The following RHEB variants were observed in gnomAD, a reference collection of about 807,000 sequenced individuals.
The protein encoded by RHEB is GTP-binding protein Rheb.
Under a neutral mutation model 28.8 loss-of-function variants are expected in RHEB, and 2 were observed. That is an observed-to-expected ratio of 0.07 (90% CI 0.03 to 0.22). RHEB has a LOEUF of 0.22. RHEB is among the 10% of genes least tolerant of loss of function. The probability of loss-of-function intolerance (pLI) is 1.00; values close to 1 mark genes in which losing one functional copy is unlikely to be tolerated. For synonymous variants in RHEB, 69 were observed against 77.3 expected, an observed-to-expected ratio of 0.89 and a Z score of 0.56; for missense variants, 76 against 219.9, an observed-to-expected ratio of 0.35 and a Z score of 4.14.
At position 151,500,959 on chromosome 7, in the gene RHEB, G is replaced by C. The variant is rs904053125; in HGVS notation, c.53-9945C>G. Among the ~76,000 whole-genome samples the C allele has an allele frequency of 2.0e-5, 3 of 152,126 alleles. No individual in the cohort carries two copies. In the East Asian group the frequency reaches 5.8e-4, roughly 29 times the overall value. On this transcript the variant is annotated intron_variant, in intron 1 of 7. Transcript: ENST00000262187. ...TGATTCTGCCACTGCATACCAGCCT[G>C]GGTGACGGAACAAGACGCTGTCTCC...
rs888367871 is a variant in RHEB at position 151,507,116 on chromosome 7, G to T, written c.52+12344C>A. Among the ~76,000 whole-genome samples, 51 of 152,106 alleles carry T rather than the reference G, an allele frequency of 3.4e-4. 2 individuals are homozygous for T. The highest frequency in any genetic ancestry group is 7.4e-5 in the Non-Finnish European group (5 of 68,020). ...GAACAGACACCAGTAAAGCAGACTT[G>T]GTTTGTAAACGGCAGAAAAAAGACT... On this transcript the variant is annotated intron_variant, in intron 1 of 7. Coordinates refer to ENST00000262187, the MANE Select transcript of RHEB (RefSeq NM_005614.4).
intron 4 of RHEB, 112 bp downstream of exon 4, chr7:151,477,221 T>A (rs538538846): frequency 2.7e-6 from 2 of 737,726 alleles, no homozygotes; most frequent in Non-Finnish European, 4.6e-6. Context: ...CTAAAAAACA[T>A]GTAGCCTAAT....
At position 151,471,436 on chromosome 7, in the gene RHEB, G is replaced by T; in HGVS notation, c.338C>A (p.Pro113His). The change falls in exon 6 of 8, where the codon CCT becomes CAT. Residue 113 changes from proline to histidine, a missense_variant. Transcript: ENST00000262187. ...LLDMVGKVQI[P>H]IMLVGNKKDL... Reference sequence around the variant, plus strand: ...TTTCTTATTCCCAACCAACATAATAGGTATTCTATTTGTAAGAAAAAAAAG... The same window carrying T: ...TTTCTTATTCCCAACCAACATAATATGTATTCTATTTGTAAGAAAAAAAAG... 1 of 1,580,950 alleles carries T rather than the reference G, an allele frequency of 6.3e-7. No individual in the cohort carries two copies. Among genetic ancestry groups the T allele is most frequent in the Non-Finnish European group, 8.7e-7 (1 of 1,152,252 alleles).
At chr7:151,509,371 T>C (rs1370121328) in intron 1 of RHEB, among the ~76,000 whole-genome samples, 3 of 152,224 alleles carry the variant, frequency 2.0e-5, no homozygotes, top group Non-Finnish European at 4.4e-5. Flanking sequence ...GGAAAGTGTG[T>C]GGATCTGGCA....
intron 1 of RHEB, among the ~76,000 whole-genome samples, chr7:151,516,955 C>T (rs1803091991): frequency 1.3e-5 from 2 of 152,294 alleles, no homozygotes; most frequent in South Asian, 4.1e-4. Context: ...AGTGAGCATG[C>T]TGAGTAATTC....
rs77394317 is a variant in RHEB at position 151,492,696 on chromosome 7, C to A, written c.53-1682G>T. Among the ~76,000 whole-genome samples the A allele has an allele frequency of 4.1e-4, 62 of 151,986 alleles. 1 individual carries two copies. The highest frequency in any genetic ancestry group is 3.5e-3 in the South Asian group (17 of 4,820). On this transcript the variant is annotated intron_variant, in intron 1 of 7. Coordinates refer to ENST00000262187, the MANE Select transcript of RHEB (RefSeq NM_005614.4). ...TTGGTAGACCTATTTACTCCTTATC[C>A]GCAGCCCAATACAGTTCAAAATGTC... is the stretch of plus-strand genomic sequence containing the variant.
At chr7:151,511,723 CT>C (rs947777034) in intron 1 of RHEB, among the ~76,000 whole-genome samples, 26 of 151,774 alleles carry the variant, frequency 1.7e-4, no homozygotes, top group African/African-American at 6.1e-4. Flanking sequence ...TCTCGACTCA[CT>C]GCAACCTCCC....
intron 1 of RHEB, among the ~76,000 whole-genome samples, chr7:151,496,768 TTTTG>T (rs1007674932): frequency 6.6e-6 from 1 of 151,894 alleles, no homozygotes; most frequent in Non-Finnish European, 1.5e-5. Context: ...CCTCTATGAC[TTTTG>T]TTTTTTTGTT....
intron 1 of RHEB, chr7:151,502,486 A>G: frequency 1.1e-6 from 1 of 899,806 alleles, no homozygotes; most frequent in Non-Finnish European, 1.9e-6. Flanking sequence ...GAACAACTGT[A>G]ACAGAAGAAG....
chr7:151,504,116 A>C (rs1802824495), intron 1 of RHEB, among the ~76,000 whole-genome samples: 1 of 152,232 alleles, frequency 6.6e-6, no homozygotes, highest in South Asian at 2.1e-4. Flanking sequence ...AAACTGACTC[A>C]TGAAGCATTT....
rs1194760671 is a variant in RHEB, at chr7:151,509,488, G to T, written c.52+9972C>A. 2.0e-5 allele frequency among the ~76,000 whole-genome samples: 3 copies of T among 152,214 alleles called. 1 individual carries two copies. Among genetic ancestry groups the T allele is most frequent in the Admixed American group, 2.0e-4 (3 of 15,282 alleles). ...ACTCAGGCACTCACATGAGAAATCT[G>T]AAGGCTACTTCACAGCTTCCACATT... On this transcript the variant is annotated intron_variant, in intron 1 of 7. Coordinates refer to ENST00000262187, the MANE Select transcript of RHEB (RefSeq NM_005614.4).
At chr7:151,498,659 G>A (rs1307798238) in intron 1 of RHEB, among the ~76,000 whole-genome samples, 2 of 152,104 alleles carry the variant, frequency 1.3e-5, no homozygotes, top group African/African-American at 2.4e-5. Context: ...GGCAAGCTGT[G>A]ACTTCTGGAT....
At chr7:151,506,170 T>A (rs1035649789) in intron 1 of RHEB, among the ~76,000 whole-genome samples, 4 of 152,018 alleles carry the variant, frequency 2.6e-5, no homozygotes, top group East Asian at 3.9e-4. Context: ...AGATTTTTTT[T>A]AAAAGATAAT....
rs553586087 is a variant in RHEB, at chr7:151,510,886, C to T, written c.52+8574G>A. Among the ~76,000 whole-genome samples, 116 of 151,908 alleles carry T rather than the reference C, an allele frequency of 7.6e-4. 1 individual carries two copies. The highest frequency in any genetic ancestry group is 1.2e-3 in the Non-Finnish European group (81 of 67,958). ...TTGAGTCCAGGACTTCGAGACCAGT[C>T]GAGGCAACAAGTAAGACCTCATGTC... On this transcript the variant is annotated intron_variant, in intron 1 of 7. Coordinates refer to ENST00000262187, the MANE Select transcript of RHEB (RefSeq NM_005614.4).
chr7:151,494,592 A>G (rs1393358005), intron 1 of RHEB, among the ~76,000 whole-genome samples: 1 of 152,242 alleles, frequency 6.6e-6, no homozygotes, highest in African/African-American at 2.4e-5. Flanking sequence ...GCAGGTTGAC[A>G]GCCAACTGTT....
chr7:151,496,772 GT>G (rs577927607), intron 1 of RHEB, among the ~76,000 whole-genome samples: 103 of 151,678 alleles, frequency 6.8e-4, no homozygotes, highest in African/African-American at 2.1e-3. Context: ...TATGACTTTT[GT>G]TTTTTTGTTT....
In RHEB at chr7:151,502,595, CA is replaced by C. The variant is rs1408933908; in HGVS notation, c.53-11582del. The C allele has an allele frequency of 9.5e-6, 13 of 1,362,072 alleles. No individual in the cohort carries two copies. In the Admixed American group the frequency reaches 2.0e-4, roughly 21 times the overall value. 84.4% of individuals were successfully genotyped at this position (1,362,072 alleles called of 1,614,324 possible). On this transcript the variant is annotated intron_variant, in intron 1 of 7. Coordinates refer to ENST00000262187, the MANE Select transcript of RHEB (RefSeq NM_005614.4). ...AAATTCCATAAAGGGGCTCTTACAG[CA>C]CTACTTTCAGATGACAGCAAGTTTG... is the stretch of plus-strand genomic sequence containing the variant.
At chr7:151,501,630 C>A (rs1802772890) in intron 1 of RHEB, among the ~76,000 whole-genome samples, 1 of 152,226 alleles carries the variant, frequency 6.6e-6, no homozygotes, top group African/African-American at 2.4e-5. Flanking sequence ...ATGGTCAACA[C>A]AAAAACCTGT....
At chr7:151,503,061 GT>G in intron 1 of RHEB, 1 of 794,426 alleles carries the variant, frequency 1.3e-6, no homozygotes, top group Non-Finnish European at 2.3e-6. Context: ...CGAAAGTACT[GT>G]TTTGGCGTTG....
Sources: allele counts gnomAD v4.1 joint callset (sites outside exome capture counted in the v4.1 genomes callset), GRCh38; gene constraint gnomAD v4.1.1; transcripts MANE v1.5; gene names NCBI Gene and HGNC (gene_info 2026-07-23, HGNC 2026-07-21).